Variants in CDH23 observed in about 807,000 individuals in gnomAD.
CDH23 encodes the protein cadherin-23.
CDH23 carries 189 observed loss-of-function variants against 317.1 expected under a neutral mutation model. The observed-to-expected ratio is 0.60, with a 90% CI of 0.53 to 0.67. The LOEUF (loss-of-function observed/expected upper bound fraction) is 0.67, where lower values mean the gene tolerates loss of function less well. Among genes scored for constraint, CDH23 ranks in the 30% least tolerant of loss-of-function variants. CDH23 has a pLI of 0.00. For missense variants in CDH23, 4,401 were observed against 4,592.4 expected, an observed-to-expected ratio of 0.96 and a Z score of 1.20; for synonymous variants, 1,839 against 1,876.8, an observed-to-expected ratio of 0.98 and a Z score of 0.52.
At chr10:71,667,028 C>T (rs376192223) in intron 14 of CDH23, among the ~76,000 whole-genome samples, 7 of 152,376 alleles carry the variant, frequency 4.6e-5, no homozygotes, top group Non-Finnish European at 8.8e-5. Flanking sequence ...AATTGTACCG[C>T]GTGCCCTTCT....
chr10:71,677,484 A>G lies in CDH23; in HGVS notation c.1543A>G (p.Ile515Val), dbSNP rs727504914. The G allele has an allele frequency of 5.6e-6, 9 of 1,611,158 alleles. No individual in the cohort carries two copies. The highest frequency in any genetic ancestry group is 5.0e-5 in the Admixed American group (3 of 59,716). ...RFSLDKDTGL[I>V]MLIARLDYEL... ...CTCGCTGGACAAGGACACGGGACTC[A>G]TCATGCTGATTGCCAGGCTGGACTA... Residue 515 changes from isoleucine (I) to valine (V), a missense_variant, in exon 16 of 70, where the codon ATC becomes GTC. Physicochemically the swap from Ile to Val is conservative, Grantham distance 29. Around this residue, in one of 3 missense-constraint regions of CDH23, gnomAD observed 3,068 missense variants for 3,203.3 expected, o/e 0.96. Transcript: ENST00000224721.
intron 6 of CDH23, among the ~76,000 whole-genome samples, chr10:71,552,984 C>T (rs958955580): frequency 6.6e-6 from 1 of 152,190 alleles, no homozygotes; most frequent in Non-Finnish European, 1.5e-5. Flanking sequence ...CCAGTCCCCC[C>T]ACTCCCAGCT....
chr10:71,455,508 G>A (rs1014810058), intron 3 of CDH23, among the ~76,000 whole-genome samples: 52 of 152,114 alleles, frequency 3.4e-4, no homozygotes, highest in South Asian at 2.1e-4. Context: ...ATATTCATTC[G>A]TTCAACAAAT....
intron 26 of CDH23, chr10:71,707,283 G>A: frequency 7.0e-7 from 1 of 1,436,454 alleles, no homozygotes; most frequent in Non-Finnish European, 9.1e-7. Flanking sequence ...TGAACCTGTT[G>A]GTTGCAGGGA....
chr10:71,765,344 C>T (rs1226032175), intron 38 of CDH23, among the ~76,000 whole-genome samples: 2 of 152,264 alleles, frequency 1.3e-5, no homozygotes, highest in Non-Finnish European at 2.9e-5. Context: ...TCAGCAGACA[C>T]GGGGCTGCAG....
At chr10:71,432,056 T>C (rs1259876583) in intron 1 of CDH23, among the ~76,000 whole-genome samples, 3 of 152,092 alleles carry the variant, frequency 2.0e-5, no homozygotes, top group African/African-American at 7.2e-5. Context: ...CTACAGGTCA[T>C]GGGGAGCTTT....
At chr10:71,519,970 G>A (rs567850745) in intron 6 of CDH23, among the ~76,000 whole-genome samples, 4 of 151,970 alleles carry the variant, frequency 2.6e-5, no homozygotes, top group African/African-American at 9.7e-5. Context: ...TGTATTTTTT[G>A]TAGGGCCACC....
intron 17 of CDH23, among the ~76,000 whole-genome samples, chr10:71,682,193 G>T (rs1049281191): frequency 6.6e-6 from 1 of 152,224 alleles, no homozygotes; most frequent in African/African-American, 2.4e-5. Context: ...CTCTGAGCTT[G>T]GTTTCTTCAT....
chr10:71,689,167 T>C lies in CDH23; in HGVS notation c.2060-1301T>C, dbSNP rs1223197067. On this transcript the variant is annotated intron_variant, in intron 19 of 69. Coordinates refer to ENST00000224721, the MANE Select transcript of CDH23 (RefSeq NM_022124.6). ...GGTGGTGGAGTCAGGGATGGTGGAG[T>C]CAGGGGTGGTAGAGTCAGGGGTGGT... 7.1e-3 allele frequency among the ~76,000 whole-genome samples: 315 copies of C among 44,588 alleles called. 10 individuals are homozygous for C. Among genetic ancestry groups the C allele is most frequent in the South Asian group, 0.013 (14 of 1,040 alleles). 29.3% of individuals were successfully genotyped at this position (44,588 alleles called of 152,430 possible). A position where few individuals can be genotyped will look rare whatever the true frequency, so the allele number is the denominator to read the frequency against.
chr10:71,796,196 C>A, intron 48 of CDH23: 1 of 699,854 alleles, frequency 1.4e-6, no homozygotes, highest in Non-Finnish European at 1.8e-6. Flanking sequence ...GGAGGTCTCA[C>A]TCTGGGATGA....
chr10:71,484,509 C>T (rs1852238362), intron 3 of CDH23, among the ~76,000 whole-genome samples: 1 of 152,166 alleles, frequency 6.6e-6, no homozygotes, highest in Non-Finnish European at 1.5e-5. Context: ...TCCCTGGGCC[C>T]CGGCGTTTGT....
At chr10:71,505,172 G>A (rs1053429621) in intron 3 of CDH23, among the ~76,000 whole-genome samples, 1 of 152,190 alleles carries the variant, frequency 6.6e-6, no homozygotes, top group Admixed American at 6.5e-5. Context: ...AGTGAGACAG[G>A]AAGGGAGGGA....
chr10:71,426,555 G>A (rs1262495554), intron 1 of CDH23, among the ~76,000 whole-genome samples: 1 of 152,146 alleles, frequency 6.6e-6, no homozygotes, highest in African/African-American at 2.4e-5. Flanking sequence ...AGTGAGAGGT[G>A]GGGCCCAGGG....
At position 71,519,527 on chromosome 10, in the gene CDH23, G is replaced by A. The variant is rs575834223; in HGVS notation, c.429+8315G>A. ...CTACAGCCAAGGGCAGCTTTGTATCGTGAGAACCTGTGTCCATCTGTGACA... is the reference window on the plus strand; with the variant it reads ...CTACAGCCAAGGGCAGCTTTGTATCATGAGAACCTGTGTCCATCTGTGACA... On this transcript the variant is annotated intron_variant, in intron 6 of 69. Transcript: ENST00000224721. 2.6e-5 allele frequency among the ~76,000 whole-genome samples: 4 copies of A among 152,290 alleles called. No individual in the cohort carries two copies. In the East Asian group the frequency reaches 5.8e-4, roughly 22 times the overall value.
intron 3 of CDH23, among the ~76,000 whole-genome samples, chr10:71,495,838 A>AGG (rs1852935147): frequency 1.3e-5 from 2 of 151,872 alleles, no homozygotes; most frequent in African/African-American, 4.8e-5. Context: ...GAAAGAAAGA[A>AGG]AGAAGGAAAG....
intron 14 of CDH23, 131 bp downstream of exon 14, chr10:71,646,748 T>C (rs1862904333): frequency 1.2e-6 from 2 of 1,602,786 alleles, no homozygotes; most frequent in Non-Finnish European, 1.7e-6. Context: ...GAGCTGTGTT[T>C]GTTGGTGTAT....
chr10:71,775,683 G>A (rs1221306167), intron 38 of CDH23, among the ~76,000 whole-genome samples: 2 of 152,034 alleles, frequency 1.3e-5, no homozygotes, highest in Non-Finnish European at 2.9e-5. Context: ...CCCAGACCTG[G>A]TCTCAGAGCA....
chr10:71,730,599 A>G lies in CDH23; in HGVS notation c.3710A>G (p.Asp1237Gly). The part of the protein sequence containing the change: ...SVIVVQATDR[D>G]SGDGGLVNYR... ...ATCGTGGTCCAAGCCACAGACCGAG[A>G]CTCTGGTGAGGCTGGCAGGAGGAAG... The change falls in exon 31 of 70, where the codon GAC becomes GGC. Residue 1237 changes from aspartate (D) to glycine (G), a missense_variant. By Grantham distance (94) the Asp-to-Gly change is moderately conservative. Around this residue, in one of 3 missense-constraint regions of CDH23, gnomAD observed 3,068 missense variants for 3,203.3 expected, o/e 0.96. Transcript: ENST00000224721. 1 of 1,613,742 alleles carries G rather than the reference A, an allele frequency of 6.2e-7. No homozygotes were observed. The highest frequency in any genetic ancestry group is 8.5e-7 in the Non-Finnish European group (1 of 1,179,854).
chr10:71,590,881 A>AAAC (rs71480586), intron 9 of CDH23, among the ~76,000 whole-genome samples: 30,603 of 124,454 alleles, frequency 0.25, 4,389 homozygotes, highest in Non-Finnish European at 0.36. Context: ...TCTAAAAAAA[A>AAAC]AAAAACAAAA....
Sources: gnomAD v4.1 joint callset for allele counts (sites outside exome capture counted in the v4.1 genomes callset) on GRCh38, gnomAD v4.1.1 for gene constraint, gnomAD v4.1.1 regional missense constraint, MANE v1.5 for transcripts, NCBI Gene and HGNC (gene_info 2026-07-23, HGNC 2026-07-21) for gene names.